Variants in KIRREL1 observed in about 807,000 individuals in gnomAD.
KIRREL1 encodes the protein kirre like nephrin family adhesion molecule 1, also known as kin of IRRE-like protein 1.
Under a neutral mutation model 83.3 loss-of-function variants are expected in KIRREL1, and 25 were observed. The observed-to-expected ratio is 0.30, with a 90% CI of 0.22 to 0.42. The LOEUF (loss-of-function observed/expected upper bound fraction) is 0.42. KIRREL1 is among the 10% of genes least tolerant of loss of function. KIRREL1 has a pLI of 1.00. For missense variants in KIRREL1, 812 were observed against 1,032.3 expected, an observed-to-expected ratio of 0.79 and a Z score of 2.92; for synonymous variants, 388 against 410.4, an observed-to-expected ratio of 0.95 and a Z score of 0.66.
rs1332172823 is a variant in KIRREL1, at chr1:158,096,607, G to A, written c.*1487G>A. ...TGTGCTGACCGGGAGAAGGTGGTGC[G>A]GAAGGGCACCGCAGGCATTACACAG... On this transcript the variant is annotated 3_prime_UTR_variant, in exon 15 of 15. Transcript: ENST00000359209. The A allele has an allele frequency of 2.2e-6, 1 of 456,734 alleles. No homozygotes were observed. Among genetic ancestry groups the A allele is most frequent in the Non-Finnish European group, 4.4e-6 (1 of 227,024 alleles). 28.3% of individuals were successfully genotyped at this position (456,734 alleles called of 1,614,324 possible).
intron 1 of KIRREL1, among the ~76,000 whole-genome samples, chr1:158,026,867 C>G (rs528782493): frequency 2.6e-5 from 4 of 152,020 alleles, no homozygotes; most frequent in Non-Finnish European, 5.9e-5. Flanking sequence ...TGCTCTGCAC[C>G]CCCCCACCCC....
intron 2 of KIRREL1, among the ~76,000 whole-genome samples, chr1:158,077,383 G>A (rs2101626176): frequency 6.6e-6 from 1 of 152,314 alleles, no homozygotes; most frequent in East Asian, 1.9e-4. Flanking sequence ...AGCTGATGGT[G>A]GGAATGTGAG....
chr1:157,999,328 C>A (rs946577456), intron 1 of KIRREL1, among the ~76,000 whole-genome samples: 1 of 152,172 alleles, frequency 6.6e-6, no homozygotes, highest in East Asian at 1.9e-4. Context: ...TTTCCTCCCA[C>A]GTTTAGAGTC....
rs769957837 is a variant in KIRREL1, at chr1:158,093,615, C to T, written c.1580-8C>T. On this transcript the variant is annotated splice_polypyrimidine_tract_variant and splice_region_variant and intron_variant, in intron 12 of 14. Coordinates refer to ENST00000359209, the MANE Select transcript of KIRREL1 (RefSeq NM_018240.7). Reference sequence around the variant, plus strand: ...AGCACTTGTTCCAGGCTGCCTCTCCCGTCCCAGGTCGCAAAGACGTGACCC... The same window carrying T: ...AGCACTTGTTCCAGGCTGCCTCTCCTGTCCCAGGTCGCAAAGACGTGACCC... 41 of 1,613,948 alleles carry T rather than the reference C, an allele frequency of 2.5e-5. No individual in the cohort carries two copies. Among genetic ancestry groups the T allele is most frequent in the East Asian group, 2.2e-4 (10 of 44,886 alleles).
chr1:158,073,023 T>C (rs1661562987), intron 1 of KIRREL1, among the ~76,000 whole-genome samples: 1 of 152,046 alleles, frequency 6.6e-6, no homozygotes, highest in Admixed American at 6.6e-5. Context: ...CAGGACTTGG[T>C]GAAGGGAGAC....
intron 1 of KIRREL1, among the ~76,000 whole-genome samples, chr1:158,072,660 CA>C (rs1277030646): frequency 6.6e-6 from 1 of 151,952 alleles, no homozygotes; most frequent in Non-Finnish European, 1.5e-5. Context: ...GGCCTCCTCT[CA>C]GTGAGAGGAG....
chr1:158,016,935 C>T (rs1373411667), intron 1 of KIRREL1, among the ~76,000 whole-genome samples: 1 of 152,214 alleles, frequency 6.6e-6, no homozygotes, highest in Non-Finnish European at 1.5e-5. Context: ...GAAGTTGGCC[C>T]TGCATTCTTT....
intron 1 of KIRREL1, among the ~76,000 whole-genome samples, chr1:158,068,799 G>A (rs12075777): frequency 0.081 from 12,289 of 152,144 alleles, 550 homozygotes; most frequent in African/African-American, 0.13. Flanking sequence ...GGGAATGACT[G>A]GGGTTGGGGG....
chr1:158,023,576 A>C (rs934770566), intron 1 of KIRREL1, among the ~76,000 whole-genome samples: 2 of 152,192 alleles, frequency 1.3e-5, no homozygotes, highest in Non-Finnish European at 2.9e-5. Context: ...TTCTCCGTTT[A>C]AAAGGCAGCT....
intron 1 of KIRREL1, among the ~76,000 whole-genome samples, chr1:158,041,599 TC>T (rs1660629483): frequency 6.6e-6 from 1 of 152,154 alleles, no homozygotes; most frequent in Admixed American, 6.5e-5. Context: ...GCCTCACTTC[TC>T]CTTATCTTAG....
intron 1 of KIRREL1, among the ~76,000 whole-genome samples, chr1:158,019,154 C>A (rs1025697887): frequency 6.6e-6 from 1 of 151,908 alleles, no homozygotes; most frequent in Non-Finnish European, 1.5e-5. Flanking sequence ...GGGCACAAAT[C>A]GAATAAGTCA....
chr1:158,096,606 C>T lies in KIRREL1; in HGVS notation c.*1486C>T, dbSNP rs1005183242. The T allele has an allele frequency of 1.5e-5, 7 of 456,736 alleles. No individual in the cohort carries two copies. The highest frequency in any genetic ancestry group is 1.4e-4 in the East Asian group (2 of 14,388). 28.3% of individuals were successfully genotyped at this position (456,736 alleles called of 1,614,324 possible). On this transcript the variant is annotated 3_prime_UTR_variant, in exon 15 of 15. Coordinates refer to ENST00000359209, the MANE Select transcript of KIRREL1 (RefSeq NM_018240.7). ...TTGTGCTGACCGGGAGAAGGTGGTG[C>T]GGAAGGGCACCGCAGGCATTACACA...
At chr1:158,010,365 CA>C (rs1265002119) in intron 1 of KIRREL1, among the ~76,000 whole-genome samples, 4 of 119,524 alleles carry the variant, frequency 3.3e-5, no homozygotes, top group African/African-American at 1.1e-4. Context: ...ACACACACCC[CA>C]CACAGTCCTG....
Position 158,093,664 on chromosome 1 carries a change from G to A in KIRREL1, c.1621G>A (p.Glu541Lys). Residue 541 changes from glutamate (E) to lysine (K), a missense_variant, in exon 13 of 15, where the codon GAG becomes AAG. This residue lies in a region of KIRREL1 where 334 missense variants were observed against 383.7 expected (regional missense o/e 0.87). Transcript: ENST00000359209. ...VTLRKLDIKV[E>K]TVNREPLTMH... ...CCTGAGGAAGCTGGATATCAAGGTG[G>A]AGACAGTGAACCGAGAGCCACTTAC... 6.2e-7 allele frequency: 1 copy of A among 1,614,200 alleles called. No individual in the cohort carries two copies. Among genetic ancestry groups the A allele is most frequent in the South Asian group, 1.1e-5 (1 of 91,074 alleles).
chr1:158,007,836 C>T (rs1195617495), intron 1 of KIRREL1, among the ~76,000 whole-genome samples: 1 of 152,034 alleles, frequency 6.6e-6, no homozygotes, highest in African/African-American at 2.4e-5. Context: ...TCTCTCTGCC[C>T]CCGAGCCGGA....
intron 1 of KIRREL1, among the ~76,000 whole-genome samples, chr1:158,008,796 C>T (rs1659590999): frequency 6.6e-6 from 1 of 152,144 alleles, no homozygotes. Context: ...GAGCGCCTGT[C>T]ATTTGTTCGA....
chr1:158,069,191 A>T (rs934097232), intron 1 of KIRREL1, among the ~76,000 whole-genome samples: 1 of 152,116 alleles, frequency 6.6e-6, no homozygotes, highest in African/African-American at 2.4e-5. Context: ...CCATGGGTGC[A>T]GAGACAAGTA....
At chr1:158,006,466 C>T (rs1320072529) in intron 1 of KIRREL1, among the ~76,000 whole-genome samples, 2 of 152,200 alleles carry the variant, frequency 1.3e-5, no homozygotes, top group South Asian at 2.1e-4. Context: ...CAAGGCAAAG[C>T]TCCTTGTAAT....
chr1:158,015,416 A>T (rs922039774), intron 1 of KIRREL1, among the ~76,000 whole-genome samples: 28 of 152,184 alleles, frequency 1.8e-4, no homozygotes, highest in Non-Finnish European at 2.9e-5. Flanking sequence ...AAGCCAGACC[A>T]TTGGAGAGTT....
Sources: gnomAD v4.1 joint callset for allele counts (sites outside exome capture counted in the v4.1 genomes callset) on GRCh38, gnomAD v4.1.1 for gene constraint, gnomAD v4.1.1 regional missense constraint, MANE v1.5 for transcripts, NCBI Gene and HGNC (gene_info 2026-07-23, HGNC 2026-07-21) for gene names.